TMEM131L: variants seen among roughly 807,000 people sequenced by gnomAD.
The protein encoded by TMEM131L is transmembrane 131 like, also known as transmembrane protein 131-like.
In TMEM131L, 54 loss-of-function variants were observed where a neutral mutation model predicts 192.2. The observed-to-expected ratio is 0.28, with a 90% CI of 0.23 to 0.35. TMEM131L has a LOEUF of 0.35. Ranked by LOEUF, TMEM131L falls within the 10% of genes least tolerant of loss-of-function variation. The pLI, the probability that TMEM131L is intolerant of heterozygous loss-of-function variation, is 1.00. For synonymous variants in TMEM131L, 701 were observed against 704.9 expected (o/e 0.99, Z 0.09); for missense variants, 1,888 against 1,972.9 (o/e 0.96, Z 0.82).
intron 32 of TMEM131L, among the ~76,000 whole-genome samples, chr4:153,633,820 C>G (rs1164403137): frequency 1.3e-5 from 2 of 152,198 alleles, no homozygotes; most frequent in Admixed American, 1.3e-4. Flanking sequence ...TGGTCTTGCT[C>G]TGAGTGGACG....
At chr4:153,582,873 G>A (rs1259569793) in intron 9 of TMEM131L, among the ~76,000 whole-genome samples, 1 of 152,104 alleles carries the variant, frequency 6.6e-6, no homozygotes, top group Non-Finnish European at 1.5e-5. Context: ...ATTTGAAGTC[G>A]TCCAGTTGGT....
chr4:153,635,027 G>A (rs74586339), intron 33 of TMEM131L, among the ~76,000 whole-genome samples: 5,102 of 152,262 alleles, frequency 0.034, 114 homozygotes, highest in Non-Finnish European at 0.052. Context: ...CCTTGGTTTT[G>A]GATTGCTGTA....
intron 25 of TMEM131L, among the ~76,000 whole-genome samples, chr4:153,608,029 G>C (rs938008052): frequency 6.6e-6 from 1 of 152,192 alleles, no homozygotes; most frequent in Admixed American, 6.5e-5. Context: ...GCTGAGGTGG[G>C]AGAATCACTT....
chr4:153,616,715 T>G (rs931263813), intron 26 of TMEM131L, among the ~76,000 whole-genome samples: 1 of 152,236 alleles, frequency 6.6e-6, no homozygotes, highest in Admixed American at 6.5e-5. Flanking sequence ...ATGCAGATTT[T>G]TAAAAACTAT....
rs1438400816 is a variant in TMEM131L at position 153,593,836 on chromosome 4, G to T, written c.1960G>T (p.Gly654Cys). 1 of 1,613,602 alleles carries T rather than the reference G, an allele frequency of 6.2e-7. No homozygotes were observed. Among genetic ancestry groups the T allele is most frequent in the Non-Finnish European group, 8.5e-7 (1 of 1,179,610 alleles). Residue 654 changes from glycine to cysteine, a missense_variant, in exon 19 of 35, where the codon GGT becomes TGT. Transcript: ENST00000409959. ...TDMQMINFTT[G>C]EFQLTEACPY... ...TATGCAGATGATTAATTTCACAACT[G>T]GTGAATTCCAGCTCACCGAAGCTTG...
chr4:153,626,258 G>A (rs373389887), intron 30 of TMEM131L, 33 bp downstream of exon 30: 342 of 1,351,102 alleles, frequency 2.5e-4, no homozygotes, highest in Non-Finnish European at 3.4e-4. Flanking sequence ...TTTACAGTAT[G>A]TTTTGTGTAC....
intron 7 of TMEM131L, among the ~76,000 whole-genome samples, chr4:153,576,455 C>A (rs1183553412): frequency 6.6e-6 from 1 of 152,038 alleles, no homozygotes; most frequent in Non-Finnish European, 1.5e-5. Context: ...ATTAAAATGG[C>A]AAGTTATAAA....
chr4:153,608,001 G>A (rs2126504606), intron 25 of TMEM131L, among the ~76,000 whole-genome samples: 1 of 152,180 alleles, frequency 6.6e-6, no homozygotes, highest in South Asian at 2.1e-4. Context: ...TGGGCCTGTG[G>A]TCCCAGCTAC....
At chr4:153,476,202 G>T (rs1051018589) in intron 3 of TMEM131L, among the ~76,000 whole-genome samples, 2 of 152,062 alleles carry the variant, frequency 1.3e-5, no homozygotes, top group African/African-American at 4.8e-5. Flanking sequence ...CAGGTTATCC[G>T]CCGGCCTCAG....
At chr4:153,481,648 A>G (rs541010843) in intron 3 of TMEM131L, among the ~76,000 whole-genome samples, 1 of 152,146 alleles carries the variant, frequency 6.6e-6, no homozygotes, top group East Asian at 1.9e-4. Context: ...GGATCCTCCA[A>G]CCTCAGCCTC....
chr4:153,544,012 G>C (rs1736987368), intron 3 of TMEM131L, among the ~76,000 whole-genome samples: 2 of 152,248 alleles, frequency 1.3e-5, no homozygotes, highest in Non-Finnish European at 2.9e-5. Flanking sequence ...TTGTGAAATG[G>C]ATGGGAAACC....
chr4:153,618,115 T>C (rs1000480824), intron 26 of TMEM131L, among the ~76,000 whole-genome samples: 7 of 152,186 alleles, frequency 4.6e-5, no homozygotes, highest in African/African-American at 1.7e-4. Flanking sequence ...GTTTGTGATT[T>C]CTCTTCTTTG....
chr4:153,470,359 G>A (rs1424219499), intron 2 of TMEM131L, among the ~76,000 whole-genome samples: 1 of 152,136 alleles, frequency 6.6e-6, no homozygotes, highest in African/African-American at 2.4e-5. Flanking sequence ...AGCATGAACG[G>A]CTTTCTTGTT....
Position 153,612,319 on chromosome 4 carries a change from A to C in TMEM131L, c.3486A>C (p.Thr1162=). The change falls in exon 26 of 35, where the codon ACA becomes ACC. Residue 1162 remains threonine (T), a synonymous_variant. Transcript: ENST00000409959. ...GTGAAAATTTGAAGAAGGTGGACAC[A>C]AAGCCTTCTTCAGAAAAGAAGATTC... is the stretch of plus-strand genomic sequence containing the variant. ...DHCENLKKVD[T]KPSSEKKIHK... is the part of the protein sequence containing the mutation. 1 of 1,600,120 alleles carries C rather than the reference A, an allele frequency of 6.2e-7. No individual in the cohort carries two copies. Among genetic ancestry groups the C allele is most frequent in the Non-Finnish European group, 8.5e-7 (1 of 1,174,676 alleles).
intron 3 of TMEM131L, among the ~76,000 whole-genome samples, chr4:153,497,932 A>G (rs1446271488): frequency 1.3e-5 from 2 of 151,166 alleles, no homozygotes; most frequent in Non-Finnish European, 2.9e-5. Flanking sequence ...GTGAACACCC[A>G]GATACACATC....
chr4:153,480,210 A>G (rs1328644618), intron 3 of TMEM131L, among the ~76,000 whole-genome samples: 4 of 152,138 alleles, frequency 2.6e-5, no homozygotes, highest in South Asian at 2.1e-4. Context: ...GTGGTGGCGG[A>G]CGCCTGTAGT....
intron 6 of TMEM131L, among the ~76,000 whole-genome samples, chr4:153,557,621 T>A (rs1728561985): frequency 1.3e-5 from 2 of 152,166 alleles, no homozygotes; most frequent in South Asian, 4.1e-4. Context: ...TGGTACCTGA[T>A]ATGGCATTTA....
At chr4:153,579,966 T>C (rs900447637) in intron 7 of TMEM131L, among the ~76,000 whole-genome samples, 1 of 152,234 alleles carries the variant, frequency 6.6e-6, no homozygotes, top group African/African-American at 2.4e-5. Flanking sequence ...CTTTGGAGAA[T>C]GCCTTCTTAC....
chr4:153,520,007 CCA>C (rs146303735), intron 3 of TMEM131L, among the ~76,000 whole-genome samples: 2,711 of 152,258 alleles, frequency 0.018, 84 homozygotes, highest in African/African-American at 0.058. Flanking sequence ...AGTGGAAGAA[CCA>C]GAAATTTGCC....
Sources: gnomAD v4.1 joint callset for allele counts (sites outside exome capture counted in the v4.1 genomes callset) on GRCh38, gnomAD v4.1.1 for gene constraint, MANE v1.5 for transcripts, NCBI Gene and HGNC (gene_info 2026-07-23, HGNC 2026-07-21) for gene names.